Variants in SLIT1 observed in about 807,000 individuals in gnomAD.
SLIT1 encodes slit homolog 1 protein.
A neutral mutation model predicts 186.1 loss-of-function variants in SLIT1; 66 were observed. The ratio of observed to expected loss-of-function variants is 0.35; its 90% confidence interval spans 0.29 to 0.44. The LOEUF (loss-of-function observed/expected upper bound fraction) is 0.44, where lower values mean the gene tolerates loss of function less well. SLIT1 is among the 20% of genes least tolerant of loss of function. The pLI, the probability that SLIT1 is intolerant of heterozygous loss-of-function variation, is 1.00. For missense variants in SLIT1, 1,638 were observed against 2,037.4 expected (o/e 0.80, Z 3.77); for synonymous variants, 761 against 833.8 (o/e 0.91, Z 1.50).
chr10:97,106,913 A>T (rs1330320625), intron 4 of SLIT1, among the ~76,000 whole-genome samples: 1 of 152,244 alleles, frequency 6.6e-6, no homozygotes, highest in African/African-American at 2.4e-5. Flanking sequence ...AGCGACACGC[A>T]TCCTAACACT....
rs745848580 is a variant in SLIT1 at position 97,046,643 on chromosome 10, T to C, written c.1853+11A>G. The C allele has an allele frequency of 1.2e-6, 2 of 1,601,622 alleles. No homozygotes were observed. The highest frequency in any genetic ancestry group is 1.3e-5 in the African/African-American group (1 of 74,964). On this transcript the variant is annotated intron_variant, in intron 18 of 36. Transcript: ENST00000266058. ...GCTGGCCCACCCTGCTCCCCAGCCC[T>C]GCACACTCACAGGGTCCTCAAGCCA...
At chr10:97,089,473 G>C (rs1849206222) in intron 4 of SLIT1, among the ~76,000 whole-genome samples, 1 of 152,172 alleles carries the variant, frequency 6.6e-6, no homozygotes, top group Admixed American at 6.5e-5. Context: ...TGGGCTGACT[G>C]CGCAGAGAGA....
At chr10:97,060,558 C>T in intron 9 of SLIT1, 82 bp downstream of exon 9, 1 of 1,560,270 alleles carries the variant, frequency 6.4e-7, no homozygotes, top group Non-Finnish European at 8.8e-7. Context: ...TGAGGCAGCG[C>T]CTACTCCAGC....
chr10:97,082,026 T>G (rs1849110336), intron 4 of SLIT1, among the ~76,000 whole-genome samples: 1 of 152,242 alleles, frequency 6.6e-6, no homozygotes, highest in African/African-American at 2.4e-5. Flanking sequence ...TCTATGAGCC[T>G]CAAGGGACCC....
chr10:97,002,445 C>G lies in SLIT1; in HGVS notation c.4155-76G>C, dbSNP rs546493469. 756 of 1,162,560 alleles carry G rather than the reference C, an allele frequency of 6.5e-4. 1 individual carries two copies. Among genetic ancestry groups the G allele is most frequent in the Admixed American group, 1.4e-3 (57 of 41,512 alleles). The allele number at this position is 1,162,560 out of a possible 1,614,324, so 72.0% of individuals were successfully genotyped here. A position where few individuals can be genotyped will look rare whatever the true frequency, so the allele number is the denominator to read the frequency against. On this transcript the variant is annotated intron_variant, in intron 35 of 36. Coordinates refer to ENST00000266058, the MANE Select transcript of SLIT1 (RefSeq NM_003061.3). Reference sequence around the variant, plus strand: ...ACCTGACACAGCCCGCCCCACCTGACACAGCCCACCCCACCCAGCCCTGAC... The same window carrying G: ...ACCTGACACAGCCCGCCCCACCTGAGACAGCCCACCCCACCCAGCCCTGAC...
chr10:97,107,821 G>C (rs1249458712), intron 4 of SLIT1, among the ~76,000 whole-genome samples: 1 of 152,068 alleles, frequency 6.6e-6, no homozygotes, highest in Non-Finnish European at 1.5e-5. Context: ...TCAAGCAGGA[G>C]CCGGGCTGGG....
chr10:97,142,182 T>TC (rs756267045), intron 4 of SLIT1, among the ~76,000 whole-genome samples: 2 of 117,296 alleles, frequency 1.7e-5, no homozygotes, highest in Non-Finnish European at 4.1e-5. Flanking sequence ...AGATCTCTCT[T>TC]CTTAAAAAAA....
rs531693222 is a variant in SLIT1, at chr10:97,090,600, G to T, written c.414-24514C>A. Among the ~76,000 whole-genome samples, 32 of 152,182 alleles carry T rather than the reference G, an allele frequency of 2.1e-4. No individual in the cohort carries two copies. In the South Asian group the frequency reaches 5.8e-3, roughly 28 times the overall value. On this transcript the variant is annotated intron_variant, in intron 4 of 36. Coordinates refer to ENST00000266058, the MANE Select transcript of SLIT1 (RefSeq NM_003061.3). ...AGGCAACTGGATTATAGGGTGTTGG[G>T]GGGGGCAGTGAAAGCAAGAAGCAAC...
chr10:97,127,468 G>T (rs1010473391), intron 4 of SLIT1, among the ~76,000 whole-genome samples: 4 of 152,192 alleles, frequency 2.6e-5, no homozygotes, highest in Admixed American at 1.3e-4. Flanking sequence ...GGAAGACACA[G>T]CTCACTCCCT....
In SLIT1 at chr10:97,021,880, C is replaced by T. The variant is rs1848505301; in HGVS notation, c.2583-467G>A. On this transcript the variant is annotated intron_variant, in intron 25 of 36. Transcript: ENST00000266058. This position sits in a 1 kb window ranked among gnomAD's most constrained non-coding sequence, Gnocchi z 4.5. ...GCCTGGCTGCCAGTGCTGTTTTAAG[C>T]ACTGCATATGCATTGTCTCACTTAG... Among the ~76,000 whole-genome samples the T allele has an allele frequency of 6.6e-6, 1 of 152,178 alleles. No homozygotes were observed. The highest frequency in any genetic ancestry group is 2.1e-4 in the South Asian group (1 of 4,834).
chr10:97,138,631 T>G (rs1405327890), intron 4 of SLIT1, among the ~76,000 whole-genome samples: 1 of 141,666 alleles, frequency 7.1e-6, no homozygotes, highest in Non-Finnish European at 1.5e-5. Flanking sequence ...TAAACGCAGT[T>G]GTGATTTGTA....
At chr10:97,018,915 G>T in intron 27 of SLIT1, 68 bp downstream of exon 27, 3 of 938,430 alleles carry the variant, frequency 3.2e-6, no homozygotes, top group Non-Finnish European at 5.0e-6. Context: ...CAGTGCTCTG[G>T]GCCCTGGGGA....
chr10:97,056,377 G>A lies in SLIT1; in HGVS notation c.1245C>T (p.Asn415=). The part of the protein sequence containing the change: ...QNLSLLSLYD[N]KIQSLAKGTF... ...TGCCCTTGGCGAGGCTCTGGATCTTGTTGTCATACAGGGAGAGCAGTGAGA... is the reference window on the plus strand; with the variant it reads ...TGCCCTTGGCGAGGCTCTGGATCTTATTGTCATACAGGGAGAGCAGTGAGA... Residue 415 remains asparagine (N), a synonymous_variant, in exon 13 of 37, where the codon AAC becomes AAT. Transcript: ENST00000266058. 1 of 1,614,214 alleles carries A rather than the reference G, an allele frequency of 6.2e-7. No homozygotes were observed. The highest frequency in any genetic ancestry group is 1.1e-5 in the South Asian group (1 of 91,088).
intron 25 of SLIT1, among the ~76,000 whole-genome samples, chr10:97,025,885 G>T (rs571200704): frequency 1.3e-5 from 2 of 152,234 alleles, no homozygotes; most frequent in African/African-American, 4.8e-5. Context: ...CTATCTGTGC[G>T]CATCACTGTC....
intron 26 of SLIT1, among the ~76,000 whole-genome samples, chr10:97,020,891 C>G (rs760539311): frequency 2.0e-5 from 3 of 152,260 alleles, no homozygotes; most frequent in Non-Finnish European, 4.4e-5. Context: ...CTTGCTCCAC[C>G]AGGGACTGAG....
chr10:97,144,380 T>C (rs77250080), intron 4 of SLIT1, among the ~76,000 whole-genome samples: 3,449 of 152,302 alleles, frequency 0.023, 98 homozygotes, highest in East Asian at 0.13. Flanking sequence ...TGAAGAACTC[T>C]ACATTTAAAG....
At chr10:97,145,869 C>T (rs573526593) in intron 4 of SLIT1, among the ~76,000 whole-genome samples, 69 of 152,312 alleles carry the variant, frequency 4.5e-4, no homozygotes, top group African/African-American at 1.6e-3. Flanking sequence ...CCTTGCCCTA[C>T]AGCATGGGAT....
intron 10 of SLIT1, 106 bp from the exon 11 acceptor site, chr10:97,059,637 C>T (rs1848873543): frequency 2.4e-6 from 2 of 836,672 alleles, no homozygotes; most frequent in Middle Eastern, 2.2e-4. Context: ...GGGTGGAGTG[C>T]TTTGAAATGA....
Position 97,002,964 on chromosome 10 carries a change from G to T in SLIT1, c.3894C>A (p.Ala1298=), listed in dbSNP as rs1450166567. The change falls in exon 35 of 37, where the codon GCC becomes GCA. Residue 1298 remains alanine, a synonymous_variant. Transcript: ENST00000266058. ...GGMPVDVNSA[A]FRLWQILNGT... ...CGTTGAGGATCTGCCACAGGCGGAAGGCAGCTGAGTTGACATCCACGGGCA... is the reference window on the plus strand; with the variant it reads ...CGTTGAGGATCTGCCACAGGCGGAATGCAGCTGAGTTGACATCCACGGGCA... 2 of 1,614,030 alleles carry T rather than the reference G, an allele frequency of 1.2e-6. No individual in the cohort carries two copies. The highest frequency in any genetic ancestry group is 2.7e-5 in the African/African-American group (2 of 74,950).
Sources: gnomAD v4.1 joint callset for allele counts (sites outside exome capture counted in the v4.1 genomes callset) on GRCh38, gnomAD v4.1.1 for gene constraint, Gnocchi (gnomAD v3.1) non-coding constraint, MANE v1.5 for transcripts, NCBI Gene and HGNC (gene_info 2026-07-23, HGNC 2026-07-21) for gene names.